Variants in HYDIN observed in about 807,000 individuals in gnomAD.
HYDIN encodes HYDIN axonemal central pair apparatus protein, also known as axonemal central pair apparatus protein HYDIN.
Under a neutral mutation model 403.9 loss-of-function variants are expected in HYDIN, and 132 were observed. The ratio of observed to expected loss-of-function variants is 0.33; its 90% confidence interval spans 0.28 to 0.38. HYDIN has a LOEUF of 0.38. Ranked by LOEUF, HYDIN falls within the 10% of genes least tolerant of loss-of-function variation. The pLI is 1.00. For missense variants in HYDIN, 2,827 were observed against 5,009.5 expected, an observed-to-expected ratio of 0.56 and a Z score of 13.15; for synonymous variants, 1,202 against 1,891.7, an observed-to-expected ratio of 0.64 and a Z score of 9.46.
At position 70,860,778 on chromosome 16, in the gene HYDIN, T is replaced by C. The variant is rs2039358951; in HGVS notation, c.11901A>G (p.Pro3967=). Residue 3967 remains proline, a synonymous_variant, in exon 70 of 86, where the codon CCA becomes CCG. Coordinates refer to ENST00000393567, the MANE Select transcript of HYDIN (RefSeq NM_001270974.2). The stretch of plus-strand genomic sequence containing the variant: ...CTCCCCCACTGGACCCTCGGAGCTC[T>C]GGGTTGCGCTGATGGCCACTTATGT... ...SDYISGHQRN[P]ELRGSSGGAL... is the part of the protein sequence containing the mutation. 2.3e-5 allele frequency: 14 copies of C among 602,392 alleles called. No individual in the cohort carries two copies. The highest frequency in any genetic ancestry group is 3.8e-5 in the Non-Finnish European group (13 of 346,330). 37.3% of individuals were successfully genotyped at this position (602,392 alleles called of 1,614,324 possible).
chr16:70,878,956 A>G (rs1798424), intron 62 of HYDIN, among the ~76,000 whole-genome samples: 16,223 of 130,036 alleles, frequency 0.12, 2,478 homozygotes, highest in African/African-American at 0.4. Context: ...TTCTTTTATC[A>G]TCTTATCCTC....
Position 70,803,495 on chromosome 16 carries a change from C to G in HYDIN, c.*4085G>C, listed in dbSNP as rs1388425164. On this transcript the variant is annotated 3_prime_UTR_variant, in exon 86 of 86. Transcript: ENST00000393567. Reference sequence around the variant, plus strand: ...CCTGACTGCATACTAGTCATTATTTCACAGTTACAATTCATCTGCATCTGT... The same window carrying G: ...CCTGACTGCATACTAGTCATTATTTGACAGTTACAATTCATCTGCATCTGT... Among the ~76,000 whole-genome samples the G allele has an allele frequency of 2.0e-5, 3 of 152,216 alleles. No homozygotes were observed. Among genetic ancestry groups the G allele is most frequent in the Non-Finnish European group, 4.4e-5 (3 of 68,048 alleles).
At chr16:71,201,078 G>T (rs1010747716) in intron 1 of HYDIN, among the ~76,000 whole-genome samples, 5 of 152,152 alleles carry the variant, frequency 3.3e-5, no homozygotes, top group African/African-American at 1.2e-4. Context: ...TCCTTTCTCT[G>T]AAGGCTTCCT....
chr16:71,212,023 T>C (rs1041579012), intron 1 of HYDIN, among the ~76,000 whole-genome samples: 2 of 151,730 alleles, frequency 1.3e-5, no homozygotes, highest in Non-Finnish European at 2.9e-5. Flanking sequence ...TCAACAACAA[T>C]CAAAAAAAGT....
rs1160867375 is a variant in HYDIN at position 70,804,170 on chromosome 16, A to G, written c.*3410T>C. On this transcript the variant is annotated 3_prime_UTR_variant, in exon 86 of 86. Transcript: ENST00000393567. Reference sequence around the variant, plus strand: ...GCACCCAATCTCAAACCAGCCTGGAAGAGGGTTCACACTGGGGCAGGATCT... The same window carrying G: ...GCACCCAATCTCAAACCAGCCTGGAGGAGGGTTCACACTGGGGCAGGATCT... Among the ~76,000 whole-genome samples the G allele has an allele frequency of 6.6e-6, 1 of 152,256 alleles. No individual in the cohort carries two copies. The highest frequency in any genetic ancestry group is 1.5e-5 in the Non-Finnish European group (1 of 68,046).
Position 70,862,947 on chromosome 16 carries a change from A to G in HYDIN, c.11569+138T>C. On this transcript the variant is annotated intron_variant, in intron 68 of 85. Transcript: ENST00000393567. ...GTCCCTCAGGCCCATTTGGCTCTGC[A>G]GACACCACAAGGTCTCTGCTTTGCT... 6 of 571,320 alleles carry G rather than the reference A, an allele frequency of 1.1e-5. No homozygotes were observed. The South Asian group carries it at 1.4e-4, about 13-fold the overall frequency. The allele number at this position is 571,320 out of a possible 1,614,324, so 35.4% of individuals were successfully genotyped here.
chr16:71,229,214 G>A (rs1056425361), intron 1 of HYDIN, among the ~76,000 whole-genome samples: 3 of 151,890 alleles, frequency 2.0e-5, no homozygotes, highest in Non-Finnish European at 4.4e-5. Flanking sequence ...TAAATGACTA[G>A]TTAATGGGTG....
chr16:71,096,157 T>C (rs1240410657), intron 10 of HYDIN, among the ~76,000 whole-genome samples: 4 of 152,152 alleles, frequency 2.6e-5, no homozygotes, highest in Non-Finnish European at 1.5e-5. Flanking sequence ...AATTTTTCCA[T>C]ATTTTCTTCC....
intron 5 of HYDIN, among the ~76,000 whole-genome samples, chr16:71,173,917 C>T (rs976069548): frequency 2.6e-5 from 4 of 152,142 alleles, no homozygotes; most frequent in African/African-American, 7.2e-5. Context: ...TCCTCAAATC[C>T]AGCATGCTTT....
intron 6 of HYDIN, among the ~76,000 whole-genome samples, chr16:71,154,271 ATTTACT>A (rs2085665086): frequency 6.6e-6 from 1 of 151,610 alleles, no homozygotes; most frequent in Non-Finnish European, 1.5e-5. Context: ...TTAAAAAAAA[ATTTACT>A]TTTTGTGGGT....
chr16:71,069,386 G>A lies in HYDIN; in HGVS notation c.1855C>T (p.His619Tyr), dbSNP rs144124863. 1,555 of 1,614,166 alleles carry A rather than the reference G, an allele frequency of 9.6e-4. 6 individuals carry two copies. The highest frequency in any genetic ancestry group is 9.4e-3 in the Middle Eastern group (57 of 6,062). Residue 619 changes from histidine (H) to tyrosine (Y), a missense_variant, in exon 14 of 86, where the codon CAT becomes TAT. Physicochemically the swap from His to Tyr is moderately conservative, Grantham distance 83. Transcript: ENST00000393567. ...CAAGATGGTCTTTTGTAGTCCACAT[G>A]CTGCTCACAATATGAAATGCTTTTA... ...GHKSISYCEQ[H>Y]VDYKRPSWTK...
intron 2 of HYDIN, 40 bp from the exon 3 acceptor site, chr16:71,185,030 G>A: frequency 1.4e-6 from 2 of 1,471,432 alleles, no homozygotes; most frequent in Non-Finnish European, 1.8e-6. Flanking sequence ...TTCTTAAGTG[G>A]ATGTACTGAA....
intron 13 of HYDIN, among the ~76,000 whole-genome samples, chr16:71,078,609 A>T (rs1933022831): frequency 1.3e-5 from 2 of 152,090 alleles, no homozygotes; most frequent in Non-Finnish European, 2.9e-5. Flanking sequence ...GGCTCAAGAG[A>T]TCCTCCTGCT....
intron 6 of HYDIN, among the ~76,000 whole-genome samples, chr16:71,158,422 T>G (rs1265517121): frequency 2.6e-5 from 4 of 152,064 alleles, no homozygotes. Context: ...TATTTTTTTT[T>G]GCAACTTCAC....
chr16:71,055,842 G>C (rs1330441359), intron 18 of HYDIN, among the ~76,000 whole-genome samples: 1 of 152,058 alleles, frequency 6.6e-6, no homozygotes, highest in Non-Finnish European at 1.5e-5. Context: ...GGCTGAATTA[G>C]AGCCAAGAGC....
intron 6 of HYDIN, among the ~76,000 whole-genome samples, chr16:71,161,293 A>G (rs2085991252): frequency 6.6e-6 from 1 of 152,158 alleles, no homozygotes; most frequent in Admixed American, 6.5e-5. Flanking sequence ...TCAGGCGGTA[A>G]TGCTAGTGAT....
At chr16:70,887,991 C>A (rs1172450610) in intron 58 of HYDIN, among the ~76,000 whole-genome samples, 1 of 152,188 alleles carries the variant, frequency 6.6e-6, no homozygotes, top group Non-Finnish European at 1.5e-5. Flanking sequence ...CCCAAGTTCA[C>A]TGATTCTTTT....
At chr16:71,184,382 C>T (rs959674639) in intron 3 of HYDIN, among the ~76,000 whole-genome samples, 1 of 152,008 alleles carries the variant, frequency 6.6e-6, no homozygotes, top group Non-Finnish European at 1.5e-5. Flanking sequence ...GGTTTACATT[C>T]GAATATAGAA....
chr16:70,919,407 G>A (rs1226725780), intron 46 of HYDIN, among the ~76,000 whole-genome samples: 1 of 151,718 alleles, frequency 6.6e-6, no homozygotes, highest in Non-Finnish European at 1.5e-5. Context: ...CTGATGTTGT[G>A]TGTCCCCCAG....
Sources: gnomAD v4.1 joint callset for allele counts (sites outside exome capture counted in the v4.1 genomes callset) on GRCh38, gnomAD v4.1.1 for gene constraint, MANE v1.5 for transcripts, NCBI Gene and HGNC (gene_info 2026-07-23, HGNC 2026-07-21) for gene names.